The following GABBR2 variants were observed in gnomAD, a reference collection of about 807,000 sequenced individuals.
GABBR2 encodes gamma-aminobutyric acid type B receptor subunit 2.
A neutral mutation model predicts 105.6 loss-of-function variants in GABBR2; 23 were observed. That is an observed-to-expected ratio of 0.22 (90% CI 0.16 to 0.31). The LOEUF (loss-of-function observed/expected upper bound fraction) is 0.31. Among genes scored for constraint, GABBR2 ranks in the 10% least tolerant of loss-of-function variants. The pLI, the probability that GABBR2 is intolerant of heterozygous loss-of-function variation, is 1.00. For missense variants in GABBR2, 734 were observed against 1,245.5 expected, an observed-to-expected ratio of 0.59 and a Z score of 6.18; for synonymous variants, 478 against 499.7, an observed-to-expected ratio of 0.96 and a Z score of 0.58.
intron 5 of GABBR2, among the ~76,000 whole-genome samples, chr9:98,478,394 T>C (rs1826838166): frequency 6.6e-6 from 1 of 152,150 alleles, no homozygotes; most frequent in African/African-American, 2.4e-5. Flanking sequence ...GAAGAACTCC[T>C]TCCCAACCAG....
chr9:98,295,611 C>T lies in GABBR2; in HGVS notation c.2543-1709G>A, dbSNP rs374089810. ...GCCATCTTGGGCTCACTGCAACCTC[C>T]GCCTCCCAGGTTCATGTGATTCTCC... On this transcript the variant is annotated intron_variant, in intron 17 of 18. Transcript: ENST00000259455. 1.1e-4 allele frequency among the ~76,000 whole-genome samples: 16 copies of T among 152,108 alleles called. No homozygotes were observed. The East Asian group carries it at 1.9e-3, about 18-fold the overall frequency.
chr9:98,385,855 G>C, intron 10 of GABBR2, 83 bp from the exon 11 acceptor site: 3 of 1,095,956 alleles, frequency 2.7e-6, no homozygotes, highest in Non-Finnish European at 2.8e-6. Context: ...ACGCCTGCTA[G>C]ATATATATTG....
intron 1 of GABBR2, among the ~76,000 whole-genome samples, chr9:98,634,802 G>A (rs917757340): frequency 6.6e-6 from 1 of 152,154 alleles, no homozygotes; most frequent in African/African-American, 2.4e-5. Flanking sequence ...ACAACCTAAC[G>A]AGTGATCCTT....
At position 98,473,268 on chromosome 9, in the gene GABBR2, C is replaced by A; in HGVS notation, c.877G>T (p.Val293Leu). The A allele has an allele frequency of 6.2e-7, 1 of 1,611,954 alleles. No individual in the cohort carries two copies. Among genetic ancestry groups the A allele is most frequent in the South Asian group, 1.1e-5 (1 of 90,846 alleles). The change falls in exon 6 of 19, where the codon GTG (valine) becomes TTG (leucine). Residue 293 changes from valine (V) to leucine (L), a missense_variant. Transcript: ENST00000259455. ...GWYEPSWWEQVHTEANSSRCL... is the reference protein window; with the variant it reads ...GWYEPSWWEQLHTEANSSRCL... The stretch of plus-strand genomic sequence containing the variant: ...CGGGATGAGTTGGCTTCCGTGTGCA[C>A]CTGCTCCCACCAAGAAGGCTCGTAC...
At chr9:98,487,557 T>G in intron 4 of GABBR2, among the ~76,000 whole-genome samples, 1 of 152,072 alleles carries the variant, frequency 6.6e-6, no homozygotes, top group East Asian at 1.9e-4. Flanking sequence ...GGAGAATCAC[T>G]TGAGCTCAGG....
intron 6 of GABBR2, among the ~76,000 whole-genome samples, chr9:98,471,616 A>C (rs527303349): frequency 2.0e-5 from 3 of 152,206 alleles, no homozygotes; most frequent in Admixed American, 2.0e-4. Flanking sequence ...GTAGTGTCTC[A>C]TGGCTCTCAT....
At chr9:98,357,565 C>T (rs1831506983) in intron 13 of GABBR2, among the ~76,000 whole-genome samples, 1 of 152,020 alleles carries the variant, frequency 6.6e-6, no homozygotes, top group South Asian at 2.1e-4. Context: ...GGGGGATCAC[C>T]TGAGCCAGGG....
intron 5 of GABBR2, among the ~76,000 whole-genome samples, chr9:98,473,604 T>C (rs1826731246): frequency 6.6e-6 from 1 of 152,164 alleles, no homozygotes; most frequent in South Asian, 2.1e-4. Flanking sequence ...TTCCTGAAGA[T>C]AGAAGGAACA....
chr9:98,546,554 CTTT>C lies in GABBR2; in HGVS notation c.460-4514_460-4512del, dbSNP rs1828405737. 3.9e-5 allele frequency among the ~76,000 whole-genome samples: 6 copies of C among 152,268 alleles called. No individual in the cohort carries two copies. In the South Asian group the frequency reaches 1.2e-3, roughly 32 times the overall value. On this transcript the variant is annotated intron_variant, in intron 2 of 18. Transcript: ENST00000259455. The stretch of plus-strand genomic sequence containing the variant: ...AATAAACCTGTTTGTCATTTTATTG[CTTT>C]TTGTTTGATACTGTATCACGCTTGT...
chr9:98,609,103 T>C (rs1281385912), intron 1 of GABBR2, among the ~76,000 whole-genome samples: 5 of 152,236 alleles, frequency 3.3e-5, no homozygotes, highest in Non-Finnish European at 7.3e-5. Context: ...TTTGTTTGTA[T>C]TGTAAAAAAT....
chr9:98,644,568 G>A (rs553742497), intron 1 of GABBR2, among the ~76,000 whole-genome samples: 5 of 152,160 alleles, frequency 3.3e-5, no homozygotes, highest in East Asian at 3.9e-4. Flanking sequence ...TGGGCTGGGC[G>A]TGGTGGCTCA....
chr9:98,402,740 G>A (rs1832416197), intron 8 of GABBR2, among the ~76,000 whole-genome samples: 1 of 152,154 alleles, frequency 6.6e-6, no homozygotes, highest in Admixed American at 6.5e-5. Context: ...AAAGGATGCT[G>A]GGGTATTTAT....
intron 13 of GABBR2, among the ~76,000 whole-genome samples, chr9:98,348,450 T>C (rs530297458): frequency 9.2e-5 from 14 of 151,998 alleles, no homozygotes; most frequent in African/African-American, 3.1e-4. Context: ...TTTCAGATTG[T>C]TTTTTCTATT....
chr9:98,581,713 A>G (rs1829006524), intron 1 of GABBR2, among the ~76,000 whole-genome samples: 1 of 152,034 alleles, frequency 6.6e-6, no homozygotes, highest in East Asian at 1.9e-4. Context: ...TTACTGAATC[A>G]TTTATAGTTT....
intron 1 of GABBR2, among the ~76,000 whole-genome samples, chr9:98,592,126 C>G (rs1361196893): frequency 6.6e-6 from 1 of 152,186 alleles, no homozygotes; most frequent in Non-Finnish European, 1.5e-5. Flanking sequence ...AGAGGCTCAG[C>G]CAGCAATTAA....
chr9:98,338,063 A>G (rs2131401645), intron 13 of GABBR2, among the ~76,000 whole-genome samples: 1 of 152,314 alleles, frequency 6.6e-6, no homozygotes, highest in South Asian at 2.1e-4. Context: ...ACAGCTATAT[A>G]TCCACGTGCA....
At chr9:98,674,415 A>G (rs540827203) in intron 1 of GABBR2, among the ~76,000 whole-genome samples, 1 of 151,430 alleles carries the variant, frequency 6.6e-6, no homozygotes, top group Non-Finnish European at 1.5e-5. Flanking sequence ...TTTCACTTCA[A>G]AGTGCTGGCT....
chr9:98,641,575 A>G (rs1829962816), intron 1 of GABBR2, among the ~76,000 whole-genome samples: 2 of 152,180 alleles, frequency 1.3e-5, no homozygotes. Context: ...ACATAAAGCA[A>G]CGGGCATGCA....
intron 11 of GABBR2, among the ~76,000 whole-genome samples, chr9:98,374,701 G>A (rs1831842119): frequency 2.0e-5 from 3 of 152,170 alleles, no homozygotes. Context: ...ACTCATTGCT[G>A]GGGGACTTAA....
Sources: gnomAD v4.1 joint callset for allele counts (sites outside exome capture counted in the v4.1 genomes callset) on GRCh38, gnomAD v4.1.1 for gene constraint, MANE v1.5 for transcripts, NCBI Gene and HGNC (gene_info 2026-07-23, HGNC 2026-07-21) for gene names.